Variants in MCPH1 observed in about 807,000 individuals in gnomAD.
The protein encoded by MCPH1 is microcephalin.
Under a neutral mutation model 84.5 loss-of-function variants are expected in MCPH1, and 104 were observed. That is an observed-to-expected ratio of 1.23 (90% CI 1.05 to 1.45). MCPH1 has a LOEUF of 1.45. Ranked by LOEUF, MCPH1 falls within the 40% of genes most tolerant of loss-of-function variation. The pLI, the probability that MCPH1 is intolerant of heterozygous loss-of-function variation, is 0.00. For synonymous variants in MCPH1, 514 were observed against 366.8 expected, an observed-to-expected ratio of 1.40 and a Z score of -4.58; for missense variants, 1,498 against 1,005.7, an observed-to-expected ratio of 1.49 and a Z score of -6.62.
intron 12 of MCPH1, among the ~76,000 whole-genome samples, chr8:6,551,030 G>T (rs886616226): frequency 5.3e-5 from 8 of 152,188 alleles, no homozygotes; most frequent in African/African-American, 1.7e-4. Context: ...ACAAGTGAAG[G>T]CACTCCAAGG....
chr8:6,445,632 C>T, intron 8 of MCPH1, 85 bp downstream of exon 8: 1 of 1,497,770 alleles, frequency 6.7e-7, no homozygotes, highest in Non-Finnish European at 8.9e-7. Context: ...ACAACTTTTT[C>T]ATAACTTATT....
intron 11 of MCPH1, 31 bp from the exon 12 acceptor site, chr8:6,499,821 A>G (rs376468118): frequency 7.5e-6 from 12 of 1,601,496 alleles, no homozygotes; most frequent in East Asian, 2.2e-5. Context: ...TAATAAATGT[A>G]TAATAAATCT....
chr8:6,587,498 C>A (rs1170446416), intron 12 of MCPH1, among the ~76,000 whole-genome samples: 2 of 152,188 alleles, frequency 1.3e-5, no homozygotes, highest in Non-Finnish European at 2.9e-5. Context: ...AGATATAGAA[C>A]ACTGTTTCTC....
chr8:6,407,303 C>T (rs536308704), intron 1 of MCPH1, among the ~76,000 whole-genome samples: 1 of 152,002 alleles, frequency 6.6e-6, no homozygotes, highest in African/African-American at 2.4e-5. Flanking sequence ...TGTGCTTAGG[C>T]TAGTATGGTA....
intron 11 of MCPH1, among the ~76,000 whole-genome samples, chr8:6,483,024 C>G (rs921349550): frequency 1.3e-5 from 2 of 152,148 alleles, no homozygotes; most frequent in African/African-American, 4.8e-5. Flanking sequence ...AGACAAGTCA[C>G]AAGCAATCTA....
At chr8:6,562,578 T>TTTTTTTTTTTTTTAAA in intron 12 of MCPH1, 11 of 880,182 alleles carry the variant, frequency 1.2e-5, no homozygotes, top group African/African-American at 1.8e-5. Context: ...TTTTGGTTGT[T>TTTTTTTTTTTTTTAAA]AAAACCTGAG....
chr8:6,584,323 TC>T (rs1462704898), intron 12 of MCPH1, among the ~76,000 whole-genome samples: 1 of 152,190 alleles, frequency 6.6e-6, no homozygotes, highest in Non-Finnish European at 1.5e-5. Context: ...CATATCACAG[TC>T]TAGGGTTTAG....
At chr8:6,604,021 G>C (rs1469248942) in intron 12 of MCPH1, among the ~76,000 whole-genome samples, 4 of 140,302 alleles carry the variant, frequency 2.9e-5, no homozygotes, top group Admixed American at 1.5e-4. Flanking sequence ...TTTTTAACCT[G>C]TCTGTGACAT....
In MCPH1 at chr8:6,456,915, G is replaced by A. The variant is rs140233531; in HGVS notation, c.1935+1663G>A. Among the ~76,000 whole-genome samples the A allele has an allele frequency of 1.2e-3, 185 of 152,176 alleles. 3 individuals are homozygous for A. In the East Asian group the frequency reaches 0.03, roughly 24 times the overall value. On this transcript the variant is annotated intron_variant, in intron 9 of 13. Coordinates refer to ENST00000344683, the MANE Select transcript of MCPH1 (RefSeq NM_024596.5). Reference sequence around the variant, plus strand: ...GAGTGTGGCCCCTTCTTCCTTATGAGGCATCTCACTGTAAATGGCATATGA... The same window carrying A: ...GAGTGTGGCCCCTTCTTCCTTATGAAGCATCTCACTGTAAATGGCATATGA...
chr8:6,511,128 A>C (rs1814994475), intron 12 of MCPH1, among the ~76,000 whole-genome samples: 1 of 152,224 alleles, frequency 6.6e-6, no homozygotes, highest in Non-Finnish European at 1.5e-5. Context: ...CCCCAGAGGC[A>C]AGAAAAATAA....
intron 12 of MCPH1, among the ~76,000 whole-genome samples, chr8:6,610,483 T>C (rs1830167778): frequency 6.6e-6 from 1 of 152,232 alleles, no homozygotes. Flanking sequence ...TTTTCAGCCT[T>C]TCTAGTTCGA....
chr8:6,505,255 A>ATATAGAATATATATATATATTAT (rs1813131542), intron 12 of MCPH1, among the ~76,000 whole-genome samples: 1 of 21,220 alleles, frequency 4.7e-5, no homozygotes, highest in Admixed American at 7.6e-4. Flanking sequence ...TATTCTTTAT[A>ATATAGAATATATATATATATTAT]TATGTTTTAT....
intron 5 of MCPH1, among the ~76,000 whole-genome samples, 173 bp downstream of exon 5, chr8:6,436,335 A>G (rs1387286304): frequency 6.6e-6 from 1 of 152,248 alleles, no homozygotes; most frequent in Non-Finnish European, 1.5e-5. Flanking sequence ...GCTGGGAGCC[A>G]TAATAGAGCC....
At chr8:6,448,033 A>G (rs1180460443) in intron 8 of MCPH1, among the ~76,000 whole-genome samples, 1 of 152,184 alleles carries the variant, frequency 6.6e-6, no homozygotes, top group African/African-American at 2.4e-5. Flanking sequence ...AATGAAAGAC[A>G]TGCACCCGTT....
In MCPH1 at chr8:6,646,897, A is replaced by T. The variant is rs1798241161; in HGVS notation, c.*3848A>T. On this transcript the variant is annotated 3_prime_UTR_variant, in exon 14 of 14. Transcript: ENST00000344683. ...CAGGAAATCATTCTGACCTCAGGTT[A>T]GGCAAAGCTTTCTTAGATATGACAC... 6.6e-6 allele frequency: 1 copy of T among 152,240 alleles called. No homozygotes were observed. Among genetic ancestry groups the T allele is most frequent in the Non-Finnish European group, 1.5e-5 (1 of 68,042 alleles). The allele number at this position is 152,240 out of a possible 1,614,324, so 9.4% of individuals were successfully genotyped here.
At chr8:6,555,891 T>G (rs575017360) in intron 12 of MCPH1, among the ~76,000 whole-genome samples, 2 of 152,310 alleles carry the variant, frequency 1.3e-5, no homozygotes, top group East Asian at 3.9e-4. Flanking sequence ...GTTGCTTGTT[T>G]TTGCTTGTTT....
intron 12 of MCPH1, among the ~76,000 whole-genome samples, chr8:6,523,148 T>C (rs1246951043): frequency 2.6e-5 from 4 of 151,984 alleles, no homozygotes; most frequent in Non-Finnish European, 5.9e-5. Flanking sequence ...CAGGCGCATG[T>C]CACCATGTCA....
At chr8:6,614,615 T>C (rs1360781892) in intron 12 of MCPH1, among the ~76,000 whole-genome samples, 1 of 152,236 alleles carries the variant, frequency 6.6e-6, no homozygotes, top group African/African-American at 2.4e-5. Flanking sequence ...CAGCCAGCCT[T>C]ATGAATAATC....
chr8:6,568,763 C>A (rs1826426830), intron 12 of MCPH1, among the ~76,000 whole-genome samples: 1 of 152,238 alleles, frequency 6.6e-6, no homozygotes, highest in Admixed American at 6.5e-5. Context: ...CTGTCTCCCG[C>A]CTGCCGTCCT....
Sources: gnomAD v4.1 joint callset for allele counts (sites outside exome capture counted in the v4.1 genomes callset) on GRCh38, gnomAD v4.1.1 for gene constraint, MANE v1.5 for transcripts, NCBI Gene and HGNC (gene_info 2026-07-23, HGNC 2026-07-21) for gene names.